Variants in LAMA5 observed in about 807,000 individuals in gnomAD.
The protein encoded by LAMA5 is laminin subunit alpha 5.
Under a neutral mutation model 433.4 loss-of-function variants are expected in LAMA5, and 260 were observed. The observed-to-expected ratio is 0.60, with a 90% CI of 0.54 to 0.66. The LOEUF (loss-of-function observed/expected upper bound fraction) is 0.66, where lower values mean the gene tolerates loss of function less well. Among genes scored for constraint, LAMA5 ranks in the 30% least tolerant of loss-of-function variants. LAMA5 has a pLI of 0.00. For synonymous variants in LAMA5, 2,620 were observed against 2,226.6 expected (o/e 1.18, Z -4.97); for missense variants, 5,378 against 5,258.5 (o/e 1.02, Z -0.70).
chr20:62,338,746 A>G, intron 11 of LAMA5, 138 bp from the exon 12 acceptor site: 1 of 1,029,262 alleles, frequency 9.7e-7, no homozygotes, highest in Non-Finnish European at 1.4e-6. Context: ...AATAATAAAA[A>G]TCCCAGCAAG....
In LAMA5 at chr20:62,337,677, T is replaced by A; in HGVS notation, c.2077A>T (p.Ser693Cys). Residue 693 changes from serine to cysteine, a missense_variant, in exon 16 of 80, where the codon AGT becomes TGT. Ser to Cys is a moderately radical substitution (Grantham distance 112, BLOSUM62 -1). Transcript: ENST00000252999. ...CGGGGCCGGCAGCTGCACTGCCCACTCCGGGGGTCACAGGCTGCGTGCAGG... is the reference window on the plus strand; with the variant it reads ...CGGGGCCGGCAGCTGCACTGCCCACACCGGGGGTCACAGGCTGCGTGCAGG... ...GSLHAACDPR[S>C]GQCSCRPRVT... 6.2e-7 allele frequency: 1 copy of A among 1,612,014 alleles called. No individual in the cohort carries two copies. Among genetic ancestry groups the A allele is most frequent in the Non-Finnish European group, 8.5e-7 (1 of 1,179,598 alleles).
At chr20:62,353,039 TG>T in intron 3 of LAMA5, 94 bp downstream of exon 3, 1 of 857,778 alleles carries the variant, frequency 1.2e-6, no homozygotes, top group Non-Finnish European at 1.8e-6. Context: ...AGGGCAGGGC[TG>T]GGTATTCGGA....
chr20:62,330,749 C>A lies in LAMA5; in HGVS notation c.3846G>T (p.Glu1282Asp), dbSNP rs867584104. ...TAGAGACTATGGCCCTCACCTGGGG[C>A]TCACGCAGCAGGGTGGGCTCTGCAT... ...DPDAEPTLLR[E>D]PQATVVFTTH... Residue 1282 changes from glutamate to aspartate, a missense_variant, in exon 30 of 80, where the codon GAG becomes GAT. Physicochemically the swap from Glu to Asp is conservative, Grantham distance 45. Coordinates refer to ENST00000252999, the MANE Select transcript of LAMA5 (RefSeq NM_005560.6). The A allele has an allele frequency of 6.4e-7, 1 of 1,560,204 alleles. No homozygotes were observed. The highest frequency in any genetic ancestry group is 1.9e-5 in the Admixed American group (1 of 52,248).
chr20:62,338,189 C>A (rs570500689), intron 13 of LAMA5, 39 bp from the exon 14 acceptor site: 4 of 1,568,870 alleles, frequency 2.5e-6, no homozygotes, highest in Admixed American at 3.5e-5. Context: ...GCCAGGCCCA[C>A]GGGCCTCCCC....
chr20:62,323,414 G>A (rs903091791), intron 45 of LAMA5, 42 bp downstream of exon 45: 52 of 1,452,874 alleles, frequency 3.6e-5, no homozygotes, highest in South Asian at 2.2e-4. Context: ...TCCTCCCCGC[G>A]CAACCCTCCC....
At chr20:62,318,355 G>T in intron 53 of LAMA5, 99 bp downstream of exon 53, 1 of 624,786 alleles carries the variant, frequency 1.6e-6, no homozygotes, top group Admixed American at 2.6e-5. Flanking sequence ...GGAGGGAGGG[G>T]AGGACGAGGG....
intron 6 of LAMA5, among the ~76,000 whole-genome samples, chr20:62,348,098 G>A (rs938049441): frequency 3.3e-5 from 5 of 152,196 alleles, no homozygotes; most frequent in African/African-American, 1.2e-4. Context: ...GATAGGAAAA[G>A]TGGTGCCGGG....
chr20:62,317,221 G>A (rs754389887), intron 55 of LAMA5, 124 bp downstream of exon 55: 14 of 1,235,514 alleles, frequency 1.1e-5, no homozygotes, highest in Non-Finnish European at 1.5e-5. Context: ...AGCTGAGGAA[G>A]GCCTGGCTTC....
intron 76 of LAMA5, 47 bp downstream of exon 76, chr20:62,310,372 C>G (rs41310032): frequency 1.9e-6 from 3 of 1,561,124 alleles, no homozygotes; most frequent in African/African-American, 1.4e-5. Context: ...CCTCCTGGAG[C>G]CCCCTGCCCT....
chr20:62,364,791 C>T (rs1986539090), intron 1 of LAMA5, among the ~76,000 whole-genome samples: 2 of 152,272 alleles, frequency 1.3e-5, no homozygotes, highest in African/African-American at 2.4e-5. Context: ...CTGGGATGCC[C>T]AGCTAATGTG....
intron 6 of LAMA5, among the ~76,000 whole-genome samples, chr20:62,350,126 T>C (rs1455574881): frequency 6.6e-6 from 1 of 151,696 alleles, no homozygotes; most frequent in Non-Finnish European, 1.5e-5. Flanking sequence ...CCAGGTGCGG[T>C]GAGTCAGGGG....
chr20:62,330,526 G>T lies in LAMA5; in HGVS notation c.3941C>A (p.Pro1314His). ...HGYQPAHPTFPVEVLINAGRV... is the reference protein window; with the variant it reads ...HGYQPAHPTFHVEVLINAGRV... ...GCCGGCGTTGATGAGGACTTCCACGGGGAAGGTGGGGTGGGCTGGCTGGTA... is the reference window on the plus strand; with the variant it reads ...GCCGGCGTTGATGAGGACTTCCACGTGGAAGGTGGGGTGGGCTGGCTGGTA... The change falls in exon 31 of 80, where the codon CCC becomes CAC. Residue 1314 changes from proline (P) to histidine (H), a missense_variant. By Grantham distance (77) the Pro-to-His change is moderately conservative (BLOSUM62 -2). Transcript: ENST00000252999. 1 of 1,575,442 alleles carries T rather than the reference G, an allele frequency of 6.3e-7. No individual in the cohort carries two copies. The highest frequency in any genetic ancestry group is 2.3e-5 in the East Asian group (1 of 43,550).
chr20:62,361,206 G>T (rs911714576), intron 2 of LAMA5, among the ~76,000 whole-genome samples: 2 of 152,084 alleles, frequency 1.3e-5, no homozygotes, highest in Non-Finnish European at 2.9e-5. Context: ...CAGATGCGGG[G>T]AAACCCAGTG....
Position 62,329,259 on chromosome 20 carries a change from G to T in LAMA5, c.4120-6C>A, listed in dbSNP as rs767016289. ...GGGACCACGAGTACATAATCCTAGG[G>T]GGTGAGGCCTGGTCACTCTCCCGCG... On this transcript the variant is annotated splice_region_variant and splice_polypyrimidine_tract_variant and intron_variant, in intron 32 of 79. Coordinates refer to ENST00000252999, the MANE Select transcript of LAMA5 (RefSeq NM_005560.6). 1 of 1,602,168 alleles carries T rather than the reference G, an allele frequency of 6.2e-7. No individual in the cohort carries two copies. Among genetic ancestry groups the T allele is most frequent in the Non-Finnish European group, 8.5e-7 (1 of 1,170,942 alleles).
At chr20:62,358,270 G>A (rs534068166) in intron 2 of LAMA5, among the ~76,000 whole-genome samples, 103 of 152,264 alleles carry the variant, frequency 6.8e-4, no homozygotes, top group African/African-American at 2.4e-3. Context: ...TAGAGGGAGG[G>A]TTTTGCCGTC....
rs767893391 is a variant in LAMA5, at chr20:62,312,254, T to C, written c.9423A>G (p.Ala3141=). ...GFLRLALSNV[A]PLTGNVYSGF... ...CGGAGTAGACGTTGCCAGTGAGCGG[T>C]GCCACGTTCGAGAGCGCCAGGCGAA... Residue 3141 remains alanine, a synonymous_variant, in exon 69 of 80, where the codon GCA becomes GCG. Coordinates refer to ENST00000252999, the MANE Select transcript of LAMA5 (RefSeq NM_005560.6). 2.0e-5 allele frequency: 33 copies of C among 1,611,216 alleles called. No homozygotes were observed. The highest frequency in any genetic ancestry group is 2.8e-5 in the Non-Finnish European group (33 of 1,179,424).
chr20:62,352,171 C>G (rs375204592), intron 4 of LAMA5, 71 bp downstream of exon 4: 2 of 1,573,746 alleles, frequency 1.3e-6, no homozygotes, highest in Admixed American at 1.7e-5. Context: ...CAGCCCCGCT[C>G]GGCACTGCCC....
chr20:62,357,552 C>G (rs1985427503), intron 2 of LAMA5, among the ~76,000 whole-genome samples: 1 of 152,214 alleles, frequency 6.6e-6, no homozygotes, highest in Non-Finnish European at 1.5e-5. Flanking sequence ...GGTGAATAAG[C>G]ACGGCGGCCA....
rs151230514 is a variant in LAMA5 at position 62,311,966 on chromosome 20, C to T, written c.9589G>A (p.Ala3197Thr). 3.9e-5 allele frequency: 63 copies of T among 1,612,560 alleles called. No homozygotes were observed. The highest frequency in any genetic ancestry group is 5.2e-5 in the Non-Finnish European group (61 of 1,179,900). ...RTEVKTQAGF[A>T]DGAPHYVAFY... is the part of the protein sequence containing the mutation. ...GCGACGTAATGGGGGGCACCATCGGCGAAGCCCGCTTGAGTTTTCACTTCA... is the reference window on the plus strand; with the variant it reads ...GCGACGTAATGGGGGGCACCATCGGTGAAGCCCGCTTGAGTTTTCACTTCA... The change falls in exon 70 of 80, where the codon GCC becomes ACC. Residue 3197 changes from alanine to threonine, a missense_variant. Transcript: ENST00000252999.
Sources: gnomAD v4.1 joint callset for allele counts (sites outside exome capture counted in the v4.1 genomes callset) on GRCh38, gnomAD v4.1.1 for gene constraint, MANE v1.5 for transcripts, NCBI Gene and HGNC (gene_info 2026-07-23, HGNC 2026-07-21) for gene names.